The following DMD variants were observed in gnomAD, a reference collection of about 807,000 sequenced individuals.
The protein encoded by DMD is mutant dystrophin.
In DMD, 63 loss-of-function variants were observed where a neutral mutation model predicts 330.1. The ratio of observed to expected loss-of-function variants is 0.19; its 90% CI spans 0.16 to 0.24. DMD has a LOEUF of 0.24. DMD is among the 10% of genes least tolerant of loss of function. The probability of loss-of-function intolerance (pLI) is 1.00; values close to 1 mark genes in which losing one functional copy is unlikely to be tolerated. For synonymous variants in DMD, 1,223 were observed against 959.8 expected, an observed-to-expected ratio of 1.27 and a Z score of -5.07; for missense variants, 3,344 against 2,684.1, an observed-to-expected ratio of 1.25 and a Z score of -5.43.
In DMD at chrX:32,560,038, ATTG is replaced by A. The variant is rs778567574; in HGVS notation, c.1992+5661_1992+5663del. On this transcript the variant is annotated intron_variant, in intron 16 of 78. Coordinates refer to ENST00000357033, the MANE Select transcript of DMD (RefSeq NM_004006.3). ...GCTCACAGTTGAGAATGTTGCAAAAATTGTTGTTAGCAATATAGCAAAATATTC... is the reference window on the plus strand; with the variant it reads ...GCTCACAGTTGAGAATGTTGCAAAAATTGTTAGCAATATAGCAAAATATTC... Among the ~76,000 whole-genome samples, 554 of 111,325 alleles carry A rather than the reference ATTG, an allele frequency of 5.0e-3. 4 individuals carry two copies. Among genetic ancestry groups the A allele is most frequent in the Non-Finnish European group, 7.5e-3 (399 of 53,074 alleles).
At chrX:32,607,531 T>G (rs1404254687) in intron 12 of DMD, among the ~76,000 whole-genome samples, 1 of 110,074 alleles carries the variant, frequency 9.1e-6, no homozygotes. Flanking sequence ...CCAGTAGAAA[T>G]CTACTAGTAT....
intron 76 of DMD, among the ~76,000 whole-genome samples, chrX:31,141,075 C>T (rs748667647): frequency 9.0e-6 from 1 of 110,890 alleles, no homozygotes; most frequent in Non-Finnish European, 1.9e-5. Flanking sequence ...GCCTGTAATC[C>T]CAGCTACTCA....
intron 9 of DMD, among the ~76,000 whole-genome samples, chrX:32,654,102 A>T (rs138078442): frequency 0.08 from 8,930 of 111,191 alleles, 882 homozygotes; most frequent in African/African-American, 0.28. Context: ...GCAAACAGGG[A>T]CAATTTGACT....
intron 47 of DMD, among the ~76,000 whole-genome samples, chrX:31,927,555 G>T (rs765213503): frequency 1.3e-4 from 15 of 111,287 alleles, no homozygotes; most frequent in Non-Finnish European, 2.3e-4. Flanking sequence ...AAATTTAATT[G>T]CTGGGACACC....
At chrX:32,441,358 A>C in intron 27 of DMD, 44 bp from the exon 28 acceptor site, 1 of 1,162,813 alleles carries the variant, frequency 8.6e-7, no homozygotes, top group Middle Eastern at 2.6e-4. Flanking sequence ...TATGGTAGAA[A>C]AGTAAATGTG....
intron 17 of DMD, among the ~76,000 whole-genome samples, chrX:32,544,044 C>T (rs1317075717): frequency 1.8e-5 from 2 of 111,509 alleles, no homozygotes; most frequent in African/African-American, 3.3e-5. Flanking sequence ...CATTTGAAAA[C>T]GTAAAAACAC....
chrX:32,681,819 T>C (rs1011296568), intron 9 of DMD, among the ~76,000 whole-genome samples: 3 of 111,904 alleles, frequency 2.7e-5, no homozygotes, highest in East Asian at 2.8e-4. Context: ...AATTAAAGCT[T>C]TGAAAGAAGA....
At chrX:32,327,118 C>T (rs956211286) in intron 41 of DMD, among the ~76,000 whole-genome samples, 1 of 107,627 alleles carries the variant, frequency 9.3e-6, no homozygotes, top group Non-Finnish European at 1.9e-5. Context: ...TCACCTTACT[C>T]GAGGCTGCAG....
chrX:32,341,371 C>T (rs2097741480), intron 41 of DMD, among the ~76,000 whole-genome samples: 1 of 111,675 alleles, frequency 9.0e-6, no homozygotes, highest in Non-Finnish European at 1.9e-5. Context: ...TGGTTTATAC[C>T]TACTACAAAT....
intron 27 of DMD, among the ~76,000 whole-genome samples, chrX:32,446,113 G>A (rs2098303012): frequency 9.0e-6 from 1 of 110,593 alleles, no homozygotes; most frequent in African/African-American, 3.3e-5. Context: ...CCCTTAGGAA[G>A]GAATGAAGAG....
chrX:32,239,026 T>G (rs1272427874), intron 43 of DMD, among the ~76,000 whole-genome samples: 2 of 112,143 alleles, frequency 1.8e-5, no homozygotes, highest in Non-Finnish European at 3.8e-5. Flanking sequence ...GAACAAGGTT[T>G]CTAAACATAA....
chrX:32,276,533 C>T (rs2097388573), intron 43 of DMD, among the ~76,000 whole-genome samples: 1 of 111,592 alleles, frequency 9.0e-6, no homozygotes, highest in Non-Finnish European at 1.9e-5. Flanking sequence ...ATCTTGGATA[C>T]CAGCTTAGTC....
intron 51 of DMD, among the ~76,000 whole-genome samples, chrX:31,752,602 C>T (rs1233355204): frequency 9.0e-6 from 1 of 111,078 alleles, no homozygotes; most frequent in South Asian, 3.9e-4. Flanking sequence ...TAATAATAAA[C>T]TGTGACTCCC....
At chrX:31,876,234 G>C (rs1569492681) in intron 47 of DMD, among the ~76,000 whole-genome samples, 1 of 112,404 alleles carries the variant, frequency 8.9e-6, no homozygotes, top group Admixed American at 9.4e-5. Context: ...TCACACATGG[G>C]TGATGACGTT....
chrX:31,797,016 T>A (rs1475780157), intron 50 of DMD, among the ~76,000 whole-genome samples: 2 of 111,899 alleles, frequency 1.8e-5, no homozygotes, highest in Non-Finnish European at 3.8e-5. Context: ...TGCAGAACCA[T>A]GAGCCAAATA....
At chrX:33,282,046 G>T (rs1367540273) in intron 1 of DMD, among the ~76,000 whole-genome samples, 1 of 110,251 alleles carries the variant, frequency 9.1e-6, no homozygotes, top group Non-Finnish European at 1.9e-5. Flanking sequence ...GATTCTCATG[G>T]CCATAGCGTC....
At position 31,419,213 on chromosome X, in the gene DMD, G is replaced by A. The variant is rs145471950; in HGVS notation, c.9084+25268C>T. On this transcript the variant is annotated intron_variant, in intron 60 of 78. Coordinates refer to ENST00000357033, the MANE Select transcript of DMD (RefSeq NM_004006.3). ...CCTGCCTTGGCCTCCCAAAGTGCTG[G>A]GATTACAGGTGTGAGCCACATTGCC... Among the ~76,000 whole-genome samples, 875 of 104,253 alleles carry A rather than the reference G, an allele frequency of 8.4e-3. 12 individuals are homozygous for A. The highest frequency in any genetic ancestry group is 0.029 in the African/African-American group (825 of 28,354). 90.5% of individuals were successfully genotyped at this position (104,253 alleles called of 115,157 possible).
At chrX:31,843,186 G>C (rs1451123581) in intron 48 of DMD, among the ~76,000 whole-genome samples, 1 of 111,826 alleles carries the variant, frequency 8.9e-6, no homozygotes, top group African/African-American at 3.3e-5. Context: ...GAACATACAA[G>C]TGCATGTGTC....
intron 43 of DMD, among the ~76,000 whole-genome samples, chrX:32,248,448 C>G (rs1448947569): frequency 9.0e-6 from 1 of 110,510 alleles, no homozygotes; most frequent in African/African-American, 3.3e-5. Flanking sequence ...CTTTTAATCT[C>G]TGAACTAAGA....
Sources: allele counts gnomAD v4.1 joint callset (sites outside exome capture counted in the v4.1 genomes callset), GRCh38; gene constraint gnomAD v4.1.1; transcripts MANE v1.5; gene names NCBI Gene and HGNC (gene_info 2026-07-23, HGNC 2026-07-21).